The following SLC38A3 variants were observed in gnomAD, a reference collection of about 807,000 sequenced individuals.
The protein encoded by SLC38A3 is solute carrier family 38 member 3.
SLC38A3 carries 17 observed loss-of-function variants against 59.5 expected under a neutral mutation model. The ratio of observed to expected loss-of-function variants is 0.29; its 90% CI spans 0.20 to 0.43. SLC38A3 has a LOEUF of 0.43. Ranked by LOEUF, SLC38A3 falls within the 20% of genes least tolerant of loss-of-function variation. SLC38A3 has a pLI of 1.00. For synonymous variants in SLC38A3, 238 were observed against 260.3 expected (o/e 0.91, Z 0.82); for missense variants, 454 against 653.9 (o/e 0.69, Z 3.33).
In SLC38A3 at chr3:50,215,535, C is replaced by T. The variant is rs1294438739; in HGVS notation, c.374-9C>T. On this transcript the variant is annotated splice_polypyrimidine_tract_variant and intron_variant, in intron 5 of 15. Transcript: ENST00000614032. This position sits in a 1 kb window ranked among gnomAD's most constrained non-coding sequence, Gnocchi z 7.1. ...ACAAGCTCCTGACTTCTTGACCCTG[C>T]TCCTGCAGGCATCCGTGCCTATGAG... 2 of 1,613,912 alleles carry T rather than the reference C, an allele frequency of 1.2e-6. No individual in the cohort carries two copies. The highest frequency in any genetic ancestry group is 1.7e-6 in the Non-Finnish European group (2 of 1,179,852).
In SLC38A3 at chr3:50,218,736, G is replaced by A; in HGVS notation, c.1161+19G>A. 6.2e-7 allele frequency: 1 copy of A among 1,602,184 alleles called. No homozygotes were observed. The highest frequency in any genetic ancestry group is 8.5e-7 in the Non-Finnish European group (1 of 1,169,940). On this transcript the variant is annotated intron_variant, in intron 13 of 15. Transcript: ENST00000614032. This position sits in a 1 kb window ranked among gnomAD's most constrained non-coding sequence, Gnocchi z 5.8. ...GTTCCCGGTGAGCTGGTGGGCAGGT[G>A]GCTAGACTAGTGGCGGGAGGGGCTG...
At chr3:50,207,349 C>T (rs1391717055) in intron 1 of SLC38A3, 1 of 152,188 alleles carries the variant, frequency 6.6e-6, no homozygotes, top group African/African-American at 2.4e-5. Context: ...GGGTCTCACT[C>T]TGTTGCCCAA....
chr3:50,212,387 C>T (rs1010889274), intron 1 of SLC38A3, among the ~76,000 whole-genome samples: 2 of 152,180 alleles, frequency 1.3e-5, no homozygotes, highest in African/African-American at 2.4e-5. Context: ...CACCTCTATA[C>T]CCAGGTGGGA....
rs1244464041 is a variant in SLC38A3, at chr3:50,218,448, C to A, written c.1036+78C>A. 2 of 1,527,064 alleles carry A rather than the reference C, an allele frequency of 1.3e-6. No individual in the cohort carries two copies. Among genetic ancestry groups the A allele is most frequent in the East Asian group, 4.5e-5 (2 of 44,428 alleles). The allele number at this position is 1,527,064 out of a possible 1,614,324, so 94.6% of individuals were successfully genotyped here. A position where few individuals can be genotyped will look rare whatever the true frequency, so the allele number is the denominator to read the frequency against. On this transcript the variant is annotated intron_variant, in intron 12 of 15. Transcript: ENST00000614032. The surrounding 1 kb of genome is among the most constrained non-coding windows in gnomAD (Gnocchi z 5.8). ...GGTTGTGGCCATGGTGCCCTCCATA[C>A]CGAGGCGTGTGGTGCCTGGCTGTGC...
Position 50,217,544 on chromosome 3 carries a change from G to C in SLC38A3, c.690+71G>C. The stretch of plus-strand genomic sequence containing the variant: ...CTGGGGGAGTTCCCTGTCATCAGGA[G>C]GGGGCAGGTGTCTCTGGGAAGCCTG... On this transcript the variant is annotated intron_variant, in intron 9 of 15. Transcript: ENST00000614032. This position sits in a 1 kb window ranked among gnomAD's most constrained non-coding sequence, Gnocchi z 4.9. 1.9e-6 allele frequency: 3 copies of C among 1,581,372 alleles called. No homozygotes were observed. The Admixed American group carries it at 5.3e-5, about 28-fold the overall frequency.
chr3:50,210,872 C>G (rs1699716276), intron 1 of SLC38A3, among the ~76,000 whole-genome samples: 1 of 151,594 alleles, frequency 6.6e-6, no homozygotes, highest in African/African-American at 2.4e-5. Flanking sequence ...GATGACCTGC[C>G]CAAGGCCACC....
At position 50,218,244 on chromosome 3, in the gene SLC38A3, ACACC is replaced by A; in HGVS notation, c.936-20_936-17del. Reference sequence around the variant, plus strand: ...CCCAATGTTACCCAGCTTGTCACCAACACCCACCCCCCCACTTCCCCACAGCCCC... The same window carrying A: ...CCCAATGTTACCCAGCTTGTCACCAACACCCCCCCACTTCCCCACAGCCCC... On this transcript the variant is annotated intron_variant, in intron 11 of 15. Coordinates refer to ENST00000614032, the MANE Select transcript of SLC38A3 (RefSeq NM_006841.6). The surrounding 1 kb of genome is among the most constrained non-coding windows in gnomAD (Gnocchi z 5.8). The A allele has an allele frequency of 7.1e-6, 10 of 1,412,460 alleles. No homozygotes were observed. Among genetic ancestry groups the A allele is most frequent in the Non-Finnish European group, 9.0e-6 (9 of 994,690 alleles). The allele number at this position is 1,412,460 out of a possible 1,614,324, so 87.5% of individuals were successfully genotyped here.
Position 50,218,408 on chromosome 3 carries a change from T to C in SLC38A3, c.1036+38T>C. The C allele has an allele frequency of 6.4e-7, 1 of 1,555,934 alleles. No individual in the cohort carries two copies. The highest frequency in any genetic ancestry group is 8.9e-7 in the Non-Finnish European group (1 of 1,127,176). On this transcript the variant is annotated intron_variant, in intron 12 of 15. Coordinates refer to ENST00000614032, the MANE Select transcript of SLC38A3 (RefSeq NM_006841.6). This position sits in a 1 kb window ranked among gnomAD's most constrained non-coding sequence, Gnocchi z 5.8. ...CGGTGGGCAGAGGCCTAGGCTAGGCTGGGGGGAAGGGGCTGGTTGTGGCCA... is the reference window on the plus strand; with the variant it reads ...CGGTGGGCAGAGGCCTAGGCTAGGCCGGGGGGAAGGGGCTGGTTGTGGCCA...
Position 50,220,316 on chromosome 3 carries a change from C to G in SLC38A3, c.*139C>G. The G allele has an allele frequency of 1.4e-6, 1 of 691,856 alleles. No homozygotes were observed. Among genetic ancestry groups the G allele is most frequent in the Non-Finnish European group, 2.5e-6 (1 of 405,314 alleles). The allele number at this position is 691,856 out of a possible 1,614,324, so 42.9% of individuals were successfully genotyped here. On this transcript the variant is annotated 3_prime_UTR_variant, in exon 16 of 16. Transcript: ENST00000614032. ...GGCATTCAGCCAGGCCCCATGTCCT[C>G]TCTGTGGAAGGTTTTTGTTCAAGAG... is the stretch of plus-strand genomic sequence containing the variant.
At chr3:50,219,046 T>C in intron 14 of SLC38A3, 98 bp downstream of exon 14, 1 of 1,448,964 alleles carries the variant, frequency 6.9e-7, no homozygotes, top group Non-Finnish European at 9.4e-7. Flanking sequence ...CTACATTAAG[T>C]GCAGTGGCCA....
At position 50,217,390 on chromosome 3, in the gene SLC38A3, TCA is replaced by T; in HGVS notation, c.632-24_632-23del. On this transcript the variant is annotated intron_variant, in intron 8 of 15. Transcript: ENST00000614032. This position sits in a 1 kb window ranked among gnomAD's most constrained non-coding sequence, Gnocchi z 4.9. ...TACACCATGGGAGGGGCCCCAGGTC[TCA>T]GAGTGCTCCCTCCACTTTGCAGGCT... The T allele has an allele frequency of 3.1e-6, 5 of 1,612,540 alleles. No individual in the cohort carries two copies. The highest frequency in any genetic ancestry group is 4.2e-6 in the Non-Finnish European group (5 of 1,179,232).
intron 1 of SLC38A3, among the ~76,000 whole-genome samples, chr3:50,211,580 T>C (rs1359242454): frequency 6.8e-6 from 1 of 146,286 alleles, no homozygotes; most frequent in African/African-American, 2.5e-5. Context: ...TTTTTTTTTT[T>C]TTTTTTTTTT....
chr3:50,211,649 C>T (rs1011376196), intron 1 of SLC38A3, among the ~76,000 whole-genome samples: 8 of 133,234 alleles, frequency 6.0e-5, no homozygotes, highest in South Asian at 2.5e-4. Flanking sequence ...AGTGCAATGG[C>T]GCAATCTCAG....
Position 50,215,652 on chromosome 3 carries a change from A to G in SLC38A3, c.466+16A>G. On this transcript the variant is annotated intron_variant, in intron 6 of 15. Coordinates refer to ENST00000614032, the MANE Select transcript of SLC38A3 (RefSeq NM_006841.6). This position sits in a 1 kb window ranked among gnomAD's most constrained non-coding sequence, Gnocchi z 7.1. ...AACATCGGAGGTAAGAGCAGTGGGC[A>G]GGGGCAGGCAGTAGGGAGGTGGACA... is the stretch of plus-strand genomic sequence containing the variant. The G allele has an allele frequency of 1.2e-6, 2 of 1,613,282 alleles. No individual in the cohort carries two copies. The highest frequency in any genetic ancestry group is 1.7e-6 in the Non-Finnish European group (2 of 1,179,600).
Position 50,215,514 on chromosome 3 carries a change from G to T in SLC38A3, c.374-30G>T. 1 of 1,613,760 alleles carries T rather than the reference G, an allele frequency of 6.2e-7. No homozygotes were observed. ...GGAGCTGGTGGGTAAACTGGGACAA[G>T]CTCCTGACTTCTTGACCCTGCTCCT... On this transcript the variant is annotated intron_variant, in intron 5 of 15. Coordinates refer to ENST00000614032, the MANE Select transcript of SLC38A3 (RefSeq NM_006841.6). This position sits in a 1 kb window ranked among gnomAD's most constrained non-coding sequence, Gnocchi z 7.1.
chr3:50,208,772 G>C (rs1699680820), intron 1 of SLC38A3, among the ~76,000 whole-genome samples: 1 of 152,178 alleles, frequency 6.6e-6, no homozygotes, highest in South Asian at 2.1e-4. Context: ...CTGTCACCCT[G>C]GGCCGCTGCA....
In SLC38A3 at chr3:50,218,917, C is replaced by CCCCAACAT; in HGVS notation, c.1278_1285dup (p.Leu429ProfsTer56). On this transcript the variant is annotated frameshift_variant, in exon 14 of 16. Transcript: ENST00000614032. LOFTEE classifies it high-confidence loss of function. The surrounding 1 kb of genome is among the most constrained non-coding windows in gnomAD (Gnocchi z 5.8). The stretch of plus-strand genomic sequence containing the variant: ...GTATCAACCTGCTGGTCATCTTTGC[C>CCCCAACAT]CCCAACATCCTGGGCATCTTTGGGG... The CCCCAACAT allele has an allele frequency of 6.2e-7, 1 of 1,612,670 alleles. No homozygotes were observed. The highest frequency in any genetic ancestry group is 8.5e-7 in the Non-Finnish European group (1 of 1,178,804).
chr3:50,218,469 T>C lies in SLC38A3; in HGVS notation c.1036+99T>C. 2 of 1,552,102 alleles carry C rather than the reference T, an allele frequency of 1.3e-6. No individual in the cohort carries two copies. The highest frequency in any genetic ancestry group is 1.8e-6 in the Non-Finnish European group (2 of 1,127,756). On this transcript the variant is annotated intron_variant, in intron 12 of 15. Coordinates refer to ENST00000614032, the MANE Select transcript of SLC38A3 (RefSeq NM_006841.6). The surrounding 1 kb of genome is among the most constrained non-coding windows in gnomAD (Gnocchi z 5.8). ...CATACCGAGGCGTGTGGTGCCTGGC[T>C]GTGCCTTGCCGCTGTGGAGGTGAGT...
intron 1 of SLC38A3, among the ~76,000 whole-genome samples, 197 bp downstream of exon 1, chr3:50,205,545 A>G (rs1365339756): frequency 6.6e-6 from 1 of 152,242 alleles, no homozygotes; most frequent in Non-Finnish European, 1.5e-5. Flanking sequence ...GTCGGGACTC[A>G]GCGCCGAGCT....
Sources: gnomAD v4.1 joint callset for allele counts (sites outside exome capture counted in the v4.1 genomes callset) on GRCh38, gnomAD v4.1.1 for gene constraint, Gnocchi (gnomAD v3.1) non-coding constraint, MANE v1.5 for transcripts, NCBI Gene and HGNC (gene_info 2026-07-23, HGNC 2026-07-21) for gene names.